PIGZ: variants seen among roughly 807,000 people sequenced by gnomAD.
PIGZ encodes phosphatidylinositol glycan anchor biosynthesis class Z (Gwada blood group).
A neutral mutation model predicts 16.4 loss-of-function variants in PIGZ; 16 were observed. The observed-to-expected ratio is 0.97, with a 90% CI of 0.66 to 1.48. The LOEUF is 1.48. Ranked by LOEUF, PIGZ falls within the 40% of genes most tolerant of loss-of-function variation. PIGZ has a pLI of 0.00. For synonymous variants in PIGZ, 409 were observed against 338.4 expected (o/e 1.21, Z -2.29); for missense variants, 770 against 739.2 (o/e 1.04, Z -0.48).
chr3:196,958,147 G>A (rs1343737014), intron 1 of PIGZ, among the ~76,000 whole-genome samples: 1 of 152,096 alleles, frequency 6.6e-6, no homozygotes, highest in East Asian at 1.9e-4. Flanking sequence ...ATTTTATCCA[G>A]CATTTTAGTT....
At chr3:196,959,781 C>A (rs1233158365) in intron 1 of PIGZ, among the ~76,000 whole-genome samples, 2 of 152,192 alleles carry the variant, frequency 1.3e-5, no homozygotes, top group African/African-American at 4.8e-5. Flanking sequence ...TCAGGCCCCC[C>A]ACACTGCCTG....
intron 2 of PIGZ, among the ~76,000 whole-genome samples, 175 bp from the exon 3 acceptor site, chr3:196,948,860 TTCCTTCCCTTCCTTCCTTCCCTTCCTTC>T (rs1717078438): frequency 8.9e-6 from 1 of 112,740 alleles, no homozygotes; most frequent in African/African-American, 4.0e-5. Flanking sequence ...CTTCTTTCCC[TTCCTTCCCTTCCTTCCTTCCCTTCCTTC>T]CCCTTCCTTC....
intron 1 of PIGZ, among the ~76,000 whole-genome samples, chr3:196,968,332 T>C (rs1718018319): frequency 6.6e-6 from 1 of 152,212 alleles, no homozygotes; most frequent in South Asian, 2.1e-4. Flanking sequence ...GTTATGGGCC[T>C]CCCTGAGAAC....
intron 1 of PIGZ, 81 bp from the exon 2 acceptor site, chr3:196,952,112 G>T: frequency 7.8e-7 from 1 of 1,282,846 alleles, no homozygotes; most frequent in Non-Finnish European, 1.1e-6. Flanking sequence ...AAATGGATCT[G>T]TCATTTAATA....
At chr3:196,967,868 C>T (rs1027902394) in intron 1 of PIGZ, among the ~76,000 whole-genome samples, 4 of 152,200 alleles carry the variant, frequency 2.6e-5, no homozygotes, top group African/African-American at 9.7e-5. Flanking sequence ...TTTAACCACC[C>T]GCGACCTTGC....
intron 1 of PIGZ, among the ~76,000 whole-genome samples, chr3:196,957,937 G>A (rs189593998): frequency 2.6e-5 from 4 of 152,280 alleles, no homozygotes; most frequent in African/African-American, 9.6e-5. Context: ...ATAGTGGAAG[G>A]GGTCCCTGCT....
chr3:196,955,906 T>C (rs1717467874), intron 1 of PIGZ, among the ~76,000 whole-genome samples: 1 of 152,076 alleles, frequency 6.6e-6, no homozygotes, highest in Non-Finnish European at 1.5e-5. Flanking sequence ...GATACATTTA[T>C]TTATACCATC....
At chr3:196,958,402 C>T (rs535398604) in intron 1 of PIGZ, among the ~76,000 whole-genome samples, 9 of 152,206 alleles carry the variant, frequency 5.9e-5, no homozygotes, top group African/African-American at 2.2e-4. Flanking sequence ...AGGCTGAGGC[C>T]GGCGGATCAC....
chr3:196,947,199 G>A lies in PIGZ; in HGVS notation c.1698C>T (p.Asp566=). ...LSSLLSGAWR[D]HLSLHIVELG... is the part of the protein sequence containing the mutation. ...GCTCCACAATGTGAAGACTGAGGTG[G>A]TCCCTCCAAGCCCCACTCAGCAAGG... Residue 566 remains aspartate (D), a synonymous_variant, in exon 3 of 3, where the codon GAC becomes GAT. Transcript: ENST00000412723. 6.3e-7 allele frequency: 1 copy of A among 1,580,818 alleles called. No individual in the cohort carries two copies. Among genetic ancestry groups the A allele is most frequent in the South Asian group, 1.2e-5 (1 of 85,168 alleles).
chr3:196,967,325 G>C (rs1205841381), intron 1 of PIGZ, among the ~76,000 whole-genome samples: 1 of 152,152 alleles, frequency 6.6e-6, no homozygotes, highest in African/African-American at 2.4e-5. Context: ...AACGAGCGCC[G>C]TCCGGAGTGG....
At position 196,947,385 on chromosome 3, in the gene PIGZ, T is replaced by G. The variant is rs560129896; in HGVS notation, c.1512A>C (p.Arg504Ser). ...CACCAGCCACTTGGCAGGCTGGTTG[T>G]CTGGTGAAGCTTTTCAGGGTTTGGC... Reference protein sequence around the residue: ...ALCQTLKSFTRQPACQVAGGP... With the variant: ...ALCQTLKSFTSQPACQVAGGP... The change falls in exon 3 of 3, where the codon AGA becomes AGC. Residue 504 changes from arginine (R) to serine (S), a missense_variant. Coordinates refer to ENST00000412723, the MANE Select transcript of PIGZ (RefSeq NM_025163.4). 6.8e-6 allele frequency: 11 copies of G among 1,614,104 alleles called. No homozygotes were observed. The African/African-American group carries it at 1.5e-4, about 21-fold the overall frequency.
chr3:196,948,438 C>G lies in PIGZ; in HGVS notation c.459G>C (p.Ala153=), dbSNP rs144286903. Residue 153 remains alanine (A), a synonymous_variant, in exon 3 of 3, where the codon GCG becomes GCC. Coordinates refer to ENST00000412723, the MANE Select transcript of PIGZ (RefSeq NM_025163.4). Reference sequence around the variant, plus strand: ...GCAGGGCCAGGGCGTTCCAGCGATCCGCCCCCATCGGCGGGGCCAGGTGGT... The same window carrying G: ...GCAGGGCCAGGGCGTTCCAGCGATCGGCCCCCATCGGCGGGGCCAGGTGGT... ...AVYHLAPPMG[A]DRWNALALLS... 1 of 1,614,050 alleles carries G rather than the reference C, an allele frequency of 6.2e-7. No homozygotes were observed. Among genetic ancestry groups the G allele is most frequent in the Non-Finnish European group, 8.5e-7 (1 of 1,180,032 alleles).
chr3:196,965,946 T>C lies in PIGZ; in HGVS notation c.-1+2741A>G, dbSNP rs538920461. Among the ~76,000 whole-genome samples, 54 of 152,242 alleles carry C rather than the reference T, an allele frequency of 3.5e-4. No individual in the cohort carries two copies. The highest frequency in any genetic ancestry group is 1.2e-3 in the African/African-American group (51 of 41,544). ...CCGAATCACTCCCCTGTGAGAAACC[T>C]CTGGATGGGGGGCCATCCCCTCACC... On this transcript the variant is annotated intron_variant, in intron 1 of 2. Transcript: ENST00000412723. This position sits in a 1 kb window ranked among gnomAD's most constrained non-coding sequence, Gnocchi z 4.2.
At chr3:196,962,167 C>T (rs1323351115) in intron 1 of PIGZ, among the ~76,000 whole-genome samples, 1 of 152,138 alleles carries the variant, frequency 6.6e-6, no homozygotes, top group African/African-American at 2.4e-5. Context: ...AATCTGTAAC[C>T]CTAGCCCCAA....
Position 196,947,757 on chromosome 3 carries a change from C to G in PIGZ, c.1140G>C (p.Leu380=). 1.9e-6 allele frequency: 3 copies of G among 1,611,788 alleles called. No individual in the cohort carries two copies. Among genetic ancestry groups the G allele is most frequent in the Non-Finnish European group, 2.5e-6 (3 of 1,178,892 alleles). ...LLLLYFMPLA[L]LSAFSHQEAR... is the part of the protein sequence containing the mutation. ...CCTCCTGGTGGCTAAAGGCAGATAGCAGGGCCAGAGGCATGAAGTAGAGGA... is the reference window on the plus strand; with the variant it reads ...CCTCCTGGTGGCTAAAGGCAGATAGGAGGGCCAGAGGCATGAAGTAGAGGA... Residue 380 remains leucine, a synonymous_variant, in exon 3 of 3, where the codon CTG becomes CTC. Coordinates refer to ENST00000412723, the MANE Select transcript of PIGZ (RefSeq NM_025163.4).
rs746460358 is a variant in PIGZ, at chr3:196,948,517, A to C, written c.380T>G (p.Val127Gly). ...GGCAGTGAGGAGGAGTCGAGGCCCC[A>C]CCAGCAGCGCATAGCCGCTCACCAG... The part of the protein sequence containing the change: ...PGLVSGYALL[V>G]GPRLLLTALS... The change falls in exon 3 of 3, where the codon GTG (valine) becomes GGG (glycine). Residue 127 changes from valine to glycine, a missense_variant. Transcript: ENST00000412723. 6.2e-7 allele frequency: 1 copy of C among 1,612,096 alleles called. No homozygotes were observed. Among genetic ancestry groups the C allele is most frequent in the South Asian group, 1.1e-5 (1 of 90,928 alleles).
chr3:196,964,225 A>C (rs1717835981), intron 1 of PIGZ, among the ~76,000 whole-genome samples: 1 of 151,686 alleles, frequency 6.6e-6, no homozygotes, highest in South Asian at 2.1e-4. Flanking sequence ...AATTTTTTGC[A>C]TTTTTAGTAG....
chr3:196,952,638 A>G lies in PIGZ; in HGVS notation c.1-607T>C, dbSNP rs143573921. ...TTTTTAGTAGAGACGGGGTTTCATCATGTTGGTGAGGCTGGTCTTGAACTC... is the reference window on the plus strand; with the variant it reads ...TTTTTAGTAGAGACGGGGTTTCATCGTGTTGGTGAGGCTGGTCTTGAACTC... On this transcript the variant is annotated intron_variant, in intron 1 of 2. Coordinates refer to ENST00000412723, the MANE Select transcript of PIGZ (RefSeq NM_025163.4). Among the ~76,000 whole-genome samples, 1,389 of 152,220 alleles carry G rather than the reference A, an allele frequency of 9.1e-3. 21 individuals carry two copies. Among genetic ancestry groups the G allele is most frequent in the African/African-American group, 0.032 (1,328 of 41,508 alleles).
rs1402924584 is a variant in PIGZ, at chr3:196,948,153, G to A, written c.744C>T (p.Asn248=). The A allele has an allele frequency of 1.4e-5, 23 of 1,612,018 alleles. No homozygotes were observed. Among genetic ancestry groups the A allele is most frequent in the Non-Finnish European group, 1.9e-5 (22 of 1,178,756 alleles). ...LYLWGTRGAT[N]PGLKSLTREA... ...CCCGGGTCAGAGACTTCAAACCAGG[G>A]TTTGTGGCTCCACGAGTGCCCCAGA... The change falls in exon 3 of 3, where the codon AAC becomes AAT. Residue 248 remains asparagine, a synonymous_variant. Coordinates refer to ENST00000412723, the MANE Select transcript of PIGZ (RefSeq NM_025163.4).
Sources: gnomAD v4.1 joint callset for allele counts (sites outside exome capture counted in the v4.1 genomes callset) on GRCh38, gnomAD v4.1.1 for gene constraint, Gnocchi (gnomAD v3.1) non-coding constraint, MANE v1.5 for transcripts, NCBI Gene and HGNC (gene_info 2026-07-23, HGNC 2026-07-21) for gene names.